The following ZNF567 variants were observed in gnomAD, a reference collection of about 807,000 sequenced individuals.
The protein encoded by ZNF567 is zinc finger protein 567.
In ZNF567, 36 loss-of-function variants were observed where a neutral mutation model predicts 53.9. The ratio of observed to expected loss-of-function variants is 0.67; its 90% CI spans 0.51 to 0.88. ZNF567 has a LOEUF of 0.88. Among genes scored for constraint, ZNF567 ranks in the 40% least tolerant of loss-of-function variants. The pLI is 0.00. For synonymous variants in ZNF567, 224 were observed against 260.4 expected (o/e 0.86, Z 1.35); for missense variants, 619 against 764.7 (o/e 0.81, Z 2.25).
chr19:36,668,621 C>A, the ZNF567 span: 1 of 152,192 alleles, frequency 6.6e-6, no homozygotes, highest in African/African-American at 2.4e-5. Flanking sequence ...TGTGAGGTGA[C>A]TGTGTATGTT....
At chr19:36,709,867 G>A (rs559529305) in intron 3 of ZNF567, among the ~76,000 whole-genome samples, 84 of 152,302 alleles carry the variant, frequency 5.5e-4, no homozygotes, top group African/African-American at 1.8e-3. Flanking sequence ...GTTTTGCTGC[G>A]TGTAGAATTC....
At chr19:36,705,236 G>A (rs2145749155) in intron 3 of ZNF567, among the ~76,000 whole-genome samples, 1 of 152,024 alleles carries the variant, frequency 6.6e-6, no homozygotes, top group East Asian at 1.9e-4. Context: ...TCATGACTTT[G>A]GGTATAATTA....
chr19:36,715,318 G>T (rs1413042934), intron 5 of ZNF567, among the ~76,000 whole-genome samples: 1 of 149,008 alleles, frequency 6.7e-6, no homozygotes, highest in East Asian at 2.0e-4. Context: ...CCACCACCAT[G>T]CCCGGCTAAT....
the ZNF567 span, among the ~76,000 whole-genome samples, chr19:36,673,587 CT>C: frequency 6.6e-6 from 1 of 152,136 alleles, no homozygotes; most frequent in South Asian, 2.1e-4. Context: ...GGTCTTCAGC[CT>C]GCTGGCCTGC....
the ZNF567 span, chr19:36,669,140 G>A: frequency 2.0e-5 from 3 of 152,276 alleles, no homozygotes; most frequent in East Asian, 3.9e-4. Flanking sequence ...CAAATACCGT[G>A]TTCATTTTAT....
At chr19:36,700,917 T>A (rs2039146977) in intron 3 of ZNF567, among the ~76,000 whole-genome samples, 2 of 152,098 alleles carry the variant, frequency 1.3e-5, no homozygotes, top group African/African-American at 4.8e-5. Context: ...TTTGTCTCTA[T>A]TTCCTTCAGT....
At chr19:36,726,722 T>C (rs2145941984), downstream of ZNF567, among the ~76,000 whole-genome samples, 1 of 152,328 alleles carries the variant, frequency 6.6e-6, no homozygotes, top group East Asian at 1.9e-4. Flanking sequence ...CAGCAGGTAG[T>C]TTAACAAGTA....
chr19:36,715,876 GTC>G, intron 5 of ZNF567, among the ~76,000 whole-genome samples: 1 of 152,108 alleles, frequency 6.6e-6, no homozygotes, highest in Non-Finnish European at 1.5e-5. Flanking sequence ...TGATTTTTCT[GTC>G]TCTCTTATCA....
downstream of ZNF567, chr19:36,727,012 T>TTTCTTTCTTTCTTTCTTTC (rs1555809313): frequency 8.0e-6 from 1 of 125,616 alleles, no homozygotes; most frequent in Non-Finnish European, 1.6e-5. Flanking sequence ...CTTTCTTTCC[T>TTTCTTTCTTTCTTTCTTTC]TTTTTTTTTT....
chr19:36,717,154 G>A (rs550597088), intron 5 of ZNF567, among the ~76,000 whole-genome samples: 1 of 151,940 alleles, frequency 6.6e-6, no homozygotes, highest in Non-Finnish European at 1.5e-5. Context: ...CACCAATAAA[G>A]TATTTATTTC....
At chr19:36,698,517 T>C (rs1246267805) in intron 3 of ZNF567, among the ~76,000 whole-genome samples, 2 of 148,322 alleles carry the variant, frequency 1.3e-5, no homozygotes, top group African/African-American at 5.0e-5. Context: ...TCCACAATGG[T>C]TGAACTAGTT....
chr19:36,675,932 T>C, the ZNF567 span, among the ~76,000 whole-genome samples: 1 of 152,126 alleles, frequency 6.6e-6, no homozygotes, highest in Non-Finnish European at 1.5e-5. Context: ...TGTATGTATA[T>C]GTACATGTAT....
At chr19:36,672,179 G>A in the ZNF567 span, among the ~76,000 whole-genome samples, 3 of 152,306 alleles carry the variant, frequency 2.0e-5, no homozygotes, top group Middle Eastern at 3.4e-3. Flanking sequence ...TCTGAGCACC[G>A]CACCTGGTTG....
the ZNF567 span, chr19:36,669,481 A>G: frequency 2.3e-4 from 35 of 152,350 alleles, no homozygotes; most frequent in African/African-American, 8.2e-4. Context: ...AGTGGGGAAA[A>G]TAAATAATCA....
chr19:36,670,258 T>C, the ZNF567 span, among the ~76,000 whole-genome samples: 1 of 152,272 alleles, frequency 6.6e-6, no homozygotes, highest in East Asian at 1.9e-4. Context: ...ATACACATAA[T>C]TGGACTAAAT....
chr19:36,684,865 T>C (rs2038236875), upstream of ZNF567, among the ~76,000 whole-genome samples: 1 of 152,178 alleles, frequency 6.6e-6, no homozygotes, highest in Non-Finnish European at 1.5e-5. Context: ...TTTCCAACTC[T>C]AGGAATCTTA....
At position 36,720,625 on chromosome 19, in the gene ZNF567, T is replaced by A. The variant is rs1458903699; in HGVS notation, c.1901T>A (p.Val634Asp). 1 of 1,574,344 alleles carries A rather than the reference T, an allele frequency of 6.4e-7. No individual in the cohort carries two copies. The highest frequency in any genetic ancestry group is 1.2e-5 in the South Asian group (1 of 83,674). ...KSFSYKRNLI[V>D]HQRTHKGENI... is the part of the protein sequence containing the mutation. The stretch of plus-strand genomic sequence containing the variant: ...TTCAGTTATAAGAGAAACCTCATTG[T>A]CCATCAAAGAACTCACAAGGGAGAA... The change falls in exon 6 of 6, where the codon GTC (valine) becomes GAC (aspartate). Residue 634 changes from valine (V) to aspartate (D), a missense_variant. Coordinates refer to ENST00000682579, the MANE Select transcript of ZNF567 (RefSeq NM_001322917.1).
chr19:36,684,486 C>T (rs1173284203), upstream of ZNF567, among the ~76,000 whole-genome samples: 4 of 152,138 alleles, frequency 2.6e-5, no homozygotes, highest in East Asian at 3.9e-4. Context: ...GAGACCCAAA[C>T]TTTCTTCATA....
intron 3 of ZNF567, among the ~76,000 whole-genome samples, chr19:36,703,336 C>CT (rs1263223460): frequency 6.7e-6 from 1 of 150,364 alleles, no homozygotes; most frequent in Admixed American, 6.6e-5. Context: ...TCTGCCCCTA[C>CT]TGGGGGGGGT....
Sources: allele counts gnomAD v4.1 joint callset (sites outside exome capture counted in the v4.1 genomes callset), GRCh38; gene constraint gnomAD v4.1.1; transcripts MANE v1.5; gene names NCBI Gene and HGNC (gene_info 2026-07-23, HGNC 2026-07-21).